Variants in NOVA1 observed in about 807,000 individuals in gnomAD.
NOVA1 encodes RNA-binding protein Nova-1.
Under a neutral mutation model 38.0 loss-of-function variants are expected in NOVA1, and 7 were observed. The observed-to-expected ratio is 0.18, with a 90% CI of 0.10 to 0.35. The LOEUF (loss-of-function observed/expected upper bound fraction) is 0.35, where lower values mean the gene tolerates loss of function less well. Among genes scored for constraint, NOVA1 ranks in the 10% least tolerant of loss-of-function variants. The pLI is 1.00. For missense variants in NOVA1, 460 were observed against 616.0 expected, an observed-to-expected ratio of 0.75 and a Z score of 2.68; for synonymous variants, 270 against 232.5, an observed-to-expected ratio of 1.16 and a Z score of -1.47.
intron 2 of NOVA1, among the ~76,000 whole-genome samples, chr14:26,550,310 A>T (rs185983519): frequency 6.6e-6 from 1 of 152,188 alleles, no homozygotes; most frequent in African/African-American, 2.4e-5. Context: ...AGGGATTTTT[A>T]AAAAGTTATT....
At chr14:26,544,071 A>T (rs1297763082) in intron 2 of NOVA1, among the ~76,000 whole-genome samples, 2 of 152,000 alleles carry the variant, frequency 1.3e-5, no homozygotes, top group African/African-American at 4.8e-5. Flanking sequence ...AGAATTGGCC[A>T]GTACTTTAGT....
intron 1 of NOVA1, among the ~76,000 whole-genome samples, chr14:26,596,272 T>A (rs532620856): frequency 2.2e-4 from 33 of 152,188 alleles, no homozygotes; most frequent in Non-Finnish European, 3.5e-4. Flanking sequence ...ACTAAAAAGC[T>A]TAGGAGTCAT....
chr14:26,487,075 ATTACATAAGCAAAAGTCTCAT>A (rs1885975091), intron 2 of NOVA1, among the ~76,000 whole-genome samples: 3 of 152,282 alleles, frequency 2.0e-5, no homozygotes, highest in African/African-American at 7.2e-5. Flanking sequence ...TATTGCTATA[ATTACATAAGCAAAAGTCTCAT>A]TTATGAGTAT....
intron 4 of NOVA1, among the ~76,000 whole-genome samples, chr14:26,458,063 C>T (rs1883327661): frequency 6.6e-6 from 1 of 152,008 alleles, no homozygotes; most frequent in South Asian, 2.1e-4. Context: ...ATGTGGCCAA[C>T]ATACATATGA....
At chr14:26,527,438 A>T (rs1361879138) in intron 2 of NOVA1, among the ~76,000 whole-genome samples, 1 of 152,118 alleles carries the variant, frequency 6.6e-6, no homozygotes, top group African/African-American at 2.4e-5. Flanking sequence ...AGTCACCTGA[A>T]TACATCATTG....
intron 2 of NOVA1, among the ~76,000 whole-genome samples, chr14:26,537,476 T>C (rs1486659662): frequency 6.6e-6 from 1 of 152,152 alleles, no homozygotes; most frequent in African/African-American, 2.4e-5. Context: ...AAAGCTTCAT[T>C]GTTTTGATTC....
chr14:26,466,957 T>C (rs1482720035), intron 4 of NOVA1, among the ~76,000 whole-genome samples: 1 of 152,192 alleles, frequency 6.6e-6, no homozygotes, highest in East Asian at 1.9e-4. Context: ...CTGTTCTTTA[T>C]AAATTACCAT....
At chr14:26,536,295 T>A (rs76535572) in intron 2 of NOVA1, among the ~76,000 whole-genome samples, 1,536 of 152,032 alleles carry the variant, frequency 0.01, 48 homozygotes, top group East Asian at 0.052. Context: ...TACTATTTGA[T>A]AGTATAATAG....
chr14:26,470,220 T>C, intron 4 of NOVA1: 1 of 1,060,632 alleles, frequency 9.4e-7, no homozygotes, highest in Non-Finnish European at 1.2e-6. Context: ...CCTATTTTCT[T>C]ATCTTGGTTA....
At chr14:26,596,941 T>C (rs1894228895) in intron 1 of NOVA1, 1 of 1,203,992 alleles carries the variant, frequency 8.3e-7, no homozygotes, top group Non-Finnish European at 1.0e-6. Context: ...CGGGCGGCCA[T>C]CACCTCACTC....
Position 26,460,269 on chromosome 14 carries a change from T to C in NOVA1, c.520-11306A>G, listed in dbSNP as rs142483081. On this transcript the variant is annotated intron_variant, in intron 4 of 4. Transcript: ENST00000539517. ...TTAAGAAAATGAAAATGTTATACATTAGTATTTCATTAATACTTGACATAA... is the reference window on the plus strand; with the variant it reads ...TTAAGAAAATGAAAATGTTATACATCAGTATTTCATTAATACTTGACATAA... Among the ~76,000 whole-genome samples the C allele has an allele frequency of 1.9e-3, 295 of 151,814 alleles. 1 individual carries two copies. Among genetic ancestry groups the C allele is most frequent in the African/African-American group, 6.9e-3 (284 of 41,432 alleles).
At chr14:26,592,153 C>T (rs543507536) in intron 2 of NOVA1, among the ~76,000 whole-genome samples, 181 of 151,528 alleles carry the variant, frequency 1.2e-3, no homozygotes, top group African/African-American at 3.6e-3. Flanking sequence ...GTAAGCTTTT[C>T]GGATTACCTA....
intron 2 of NOVA1, among the ~76,000 whole-genome samples, chr14:26,588,630 T>C (rs1893671297): frequency 1.3e-5 from 2 of 151,542 alleles, no homozygotes; most frequent in Admixed American, 1.3e-4. Context: ...CTTTTTTACT[T>C]TGCAGTCTTA....
At chr14:26,532,119 C>A (rs1889759041) in intron 2 of NOVA1, among the ~76,000 whole-genome samples, 1 of 152,154 alleles carries the variant, frequency 6.6e-6, no homozygotes, top group South Asian at 2.1e-4. Flanking sequence ...TAAAATGACA[C>A]AACCCCTCCT....
At chr14:26,530,989 T>C (rs948345208) in intron 2 of NOVA1, among the ~76,000 whole-genome samples, 4 of 152,210 alleles carry the variant, frequency 2.6e-5, no homozygotes, top group Non-Finnish European at 5.9e-5. Flanking sequence ...GACATTAATA[T>C]GTACATTCAT....
intron 4 of NOVA1, among the ~76,000 whole-genome samples, chr14:26,471,140 T>C (rs895054395): frequency 1.3e-5 from 2 of 152,074 alleles, no homozygotes; most frequent in African/African-American, 4.8e-5. Context: ...CATTATAAAA[T>C]GCTTTTGTTT....
intron 2 of NOVA1, among the ~76,000 whole-genome samples, chr14:26,525,628 G>T (rs965468375): frequency 6.6e-6 from 1 of 151,964 alleles, no homozygotes; most frequent in African/African-American, 2.4e-5. Flanking sequence ...TATTTCCAGG[G>T]GCTTCCATTT....
intron 2 of NOVA1, among the ~76,000 whole-genome samples, chr14:26,496,369 G>A (rs900860627): frequency 6.6e-6 from 1 of 152,110 alleles, no homozygotes; most frequent in Non-Finnish European, 1.5e-5. Flanking sequence ...ATTTGTTTCA[G>A]TTCATTATAG....
intron 2 of NOVA1, among the ~76,000 whole-genome samples, chr14:26,576,595 G>A (rs1892858169): frequency 1.3e-5 from 2 of 151,772 alleles, no homozygotes; most frequent in South Asian, 4.2e-4. Flanking sequence ...CACAATGTGT[G>A]TGTCTGTGTG....
Sources: gnomAD v4.1 joint callset for allele counts (sites outside exome capture counted in the v4.1 genomes callset) on GRCh38, gnomAD v4.1.1 for gene constraint, MANE v1.5 for transcripts, NCBI Gene and HGNC (gene_info 2026-07-23, HGNC 2026-07-21) for gene names.